AP3B1: variants seen among roughly 807,000 people sequenced by gnomAD.
AP3B1 encodes AP-3 complex subunit beta-1.
Under a neutral mutation model 132.5 loss-of-function variants are expected in AP3B1, and 61 were observed. That is an observed-to-expected ratio of 0.46 (90% CI 0.37 to 0.57). The LOEUF (loss-of-function observed/expected upper bound fraction) is 0.57, where lower values mean the gene tolerates loss of function less well. Among genes scored for constraint, AP3B1 ranks in the 20% least tolerant of loss-of-function variants. The pLI is 0.00. For missense variants in AP3B1, 1,120 were observed against 1,289.4 expected (o/e 0.87, Z 2.01); for synonymous variants, 388 against 438.3 (o/e 0.89, Z 1.43).
At chr5:78,271,783 C>T (rs549910880) in intron 1 of AP3B1, among the ~76,000 whole-genome samples, 5 of 152,304 alleles carry the variant, frequency 3.3e-5, no homozygotes, top group African/African-American at 7.2e-5. Context: ...CCCTACGTAA[C>T]GTGGCTTACT....
intron 21 of AP3B1, among the ~76,000 whole-genome samples, chr5:78,090,006 T>C (rs1750441817): frequency 6.6e-6 from 1 of 152,230 alleles, no homozygotes; most frequent in African/African-American, 2.4e-5. Context: ...GTTTGACTGA[T>C]TCTAAAACTG....
At chr5:78,260,669 T>C (rs920250777) in intron 2 of AP3B1, among the ~76,000 whole-genome samples, 43 of 151,730 alleles carry the variant, frequency 2.8e-4, no homozygotes, top group African/African-American at 1.0e-3. Context: ...GCATAATGAG[T>C]GGGACAGCGC....
intron 24 of AP3B1, 144 bp downstream of exon 24, chr5:78,034,217 A>G (rs918929221): frequency 4.3e-6 from 3 of 696,372 alleles, no homozygotes; most frequent in African/African-American, 3.6e-5. Context: ...CAACTATTCC[A>G]AGGCAGTCTA....
chr5:78,146,371 G>A (rs1264194219), intron 14 of AP3B1, among the ~76,000 whole-genome samples: 1 of 152,126 alleles, frequency 6.6e-6, no homozygotes, highest in African/African-American at 2.4e-5. Flanking sequence ...CCACCTTCAA[G>A]CACTTCAGTT....
intron 15 of AP3B1, among the ~76,000 whole-genome samples, chr5:78,134,149 C>CAAAAAAAAAAAAAAAAA (rs397961933): frequency 1.3e-4 from 10 of 74,202 alleles, no homozygotes; most frequent in African/African-American, 4.9e-4. Flanking sequence ...AGACTCGCCT[C>CAAAAAAAAAAAAAAAAA]AAAAAAAAAA....
chr5:78,182,745 C>A (rs960146482), intron 7 of AP3B1, among the ~76,000 whole-genome samples: 1 of 152,124 alleles, frequency 6.6e-6, no homozygotes, highest in African/African-American at 2.4e-5. Flanking sequence ...GGCCCTACCC[C>A]CATCCCCACC....
At chr5:78,182,341 C>T (rs77461599) in intron 7 of AP3B1, among the ~76,000 whole-genome samples, 1 of 152,314 alleles carries the variant, frequency 6.6e-6, no homozygotes, top group South Asian at 2.1e-4. Flanking sequence ...AGGTAACTTC[C>T]GTTACCAAGT....
intron 25 of AP3B1, 162 bp from the exon 26 acceptor site, chr5:78,015,710 T>C (rs1289152559): frequency 4.3e-6 from 3 of 694,418 alleles, no homozygotes; most frequent in Non-Finnish European, 7.0e-6. Context: ...CAAAATGCAA[T>C]TGTTTCGAAG....
At chr5:78,119,582 G>C (rs1445476986) in intron 17 of AP3B1, among the ~76,000 whole-genome samples, 2 of 152,200 alleles carry the variant, frequency 1.3e-5, no homozygotes, top group Admixed American at 1.3e-4. Context: ...CTGGAAGAAA[G>C]GGTATCAGTG....
intron 21 of AP3B1, among the ~76,000 whole-genome samples, chr5:78,099,695 GATC>G (rs779220088): frequency 4.6e-5 from 7 of 151,948 alleles, no homozygotes; most frequent in Non-Finnish European, 8.8e-5. Flanking sequence ...AGGAAATCAA[GATC>G]ATCCTGGCTA....
intron 17 of AP3B1, among the ~76,000 whole-genome samples, chr5:78,117,398 C>G (rs1330646425): frequency 1.3e-5 from 2 of 151,594 alleles, no homozygotes; most frequent in African/African-American, 2.4e-5. Context: ...CAAACTCTGC[C>G]TCCTAGGTTC....
chr5:78,147,203 G>T (rs1456330918), intron 14 of AP3B1, among the ~76,000 whole-genome samples: 1 of 151,832 alleles, frequency 6.6e-6, no homozygotes, highest in Non-Finnish European at 1.5e-5. Context: ...GTGCAAATAG[G>T]TTTGTGCTTA....
chr5:78,030,210 G>T (rs772769112), intron 24 of AP3B1, among the ~76,000 whole-genome samples: 1 of 151,818 alleles, frequency 6.6e-6, no homozygotes, highest in African/African-American at 2.4e-5. Context: ...CAATCATCGC[G>T]CACTGCAGCC....
Position 78,141,132 on chromosome 5 carries a change from T to C in AP3B1, c.1650+11A>G. On this transcript the variant is annotated intron_variant, in intron 15 of 26. Coordinates refer to ENST00000255194, the MANE Select transcript of AP3B1 (RefSeq NM_003664.5). ...ACGTATTAGATAGGTTGACTAACAT[T>C]TGCCTCTCACCTGTTTGGAGTTGGT... The C allele has an allele frequency of 1.2e-6, 2 of 1,612,048 alleles. No individual in the cohort carries two copies. The highest frequency in any genetic ancestry group is 1.7e-6 in the Non-Finnish European group (2 of 1,178,514).
chr5:78,015,484 G>A lies in AP3B1; in HGVS notation c.3057C>T (p.Pro1019=), dbSNP rs1746819167. ...TTACAACCTTCTGAAAGATCACAGA[G>A]GGAGTGAAATTCTGTGGTGCAGCAA... ...VIIAAPQNFT[P]SVIFQKVVNV... Residue 1019 remains proline (P), a synonymous_variant, in exon 26 of 27, where the codon CCC becomes CCT. Transcript: ENST00000255194. 1 of 1,613,712 alleles carries A rather than the reference G, an allele frequency of 6.2e-7. No individual in the cohort carries two copies.
chr5:78,049,036 T>A (rs1748465291), intron 22 of AP3B1, among the ~76,000 whole-genome samples: 1 of 152,228 alleles, frequency 6.6e-6, no homozygotes, highest in Admixed American at 6.5e-5. Context: ...TCAAAAACAG[T>A]CAAACTATCA....
chr5:78,028,276 A>G (rs1747423679), intron 24 of AP3B1, among the ~76,000 whole-genome samples: 1 of 151,816 alleles, frequency 6.6e-6, no homozygotes, highest in Non-Finnish European at 1.5e-5. Context: ...CCTGGCCAAT[A>G]TGGTGAAACC....
rs66493022 is a variant in AP3B1 at position 78,223,027 on chromosome 5, C to CTCTTTTTTTT, written c.603+2514_603+2515insAAAAAAAAGA. On this transcript the variant is annotated intron_variant, in intron 6 of 26. Transcript: ENST00000255194. ...TGTTTTTTTGTTTGTTTGTTTGTTT[C>CTCTTTTTTTT]TTTTTTTTTTTTTGTAGAGACAAGG... Among the ~76,000 whole-genome samples the CTCTTTTTTTT allele has an allele frequency of 4.7e-5, 6 of 127,818 alleles. 1 individual carries two copies. Among genetic ancestry groups the CTCTTTTTTTT allele is most frequent in the African/African-American group, 1.7e-4 (6 of 34,516 alleles). The allele number at this position is 127,818 out of a possible 152,430, so 83.9% of individuals were successfully genotyped here. A position where few individuals can be genotyped will look rare whatever the true frequency, so the allele number is the denominator to read the frequency against.
chr5:78,197,059 G>A (rs990627878), intron 7 of AP3B1, among the ~76,000 whole-genome samples: 3 of 152,076 alleles, frequency 2.0e-5, no homozygotes, highest in Non-Finnish European at 4.4e-5. Flanking sequence ...TTCATTGATC[G>A]TAATGTAAAA....
Sources: allele counts gnomAD v4.1 joint callset (sites outside exome capture counted in the v4.1 genomes callset), GRCh38; gene constraint gnomAD v4.1.1; transcripts MANE v1.5; gene names NCBI Gene and HGNC (gene_info 2026-07-23, HGNC 2026-07-21).